LRP1B: variants seen among roughly 807,000 people sequenced by gnomAD.
The protein encoded by LRP1B is LDL receptor related protein 1B, also known as low-density lipoprotein receptor-related protein 1B.
LRP1B carries 217 observed loss-of-function variants against 556.6 expected under a neutral mutation model. That is an observed-to-expected ratio of 0.39 (90% confidence interval 0.35 to 0.44). The LOEUF (loss-of-function observed/expected upper bound fraction) is 0.44. Among genes scored for constraint, LRP1B ranks in the 20% least tolerant of loss-of-function variants. LRP1B has a pLI of 1.00. For synonymous variants in LRP1B, 2,047 were observed against 1,865.8 expected (o/e 1.10, Z -2.50); for missense variants, 5,053 against 5,620.8 (o/e 0.90, Z 3.23).
chr2:140,738,808 G>A (rs764289123), intron 35 of LRP1B, among the ~76,000 whole-genome samples: 1 of 152,154 alleles, frequency 6.6e-6, no homozygotes, highest in Admixed American at 6.6e-5. Flanking sequence ...ATTTAGAAAT[G>A]TGGATGAGCC....
chr2:141,485,133 G>C (rs1039853204), intron 2 of LRP1B, among the ~76,000 whole-genome samples: 1 of 152,124 alleles, frequency 6.6e-6, no homozygotes, highest in African/African-American at 2.4e-5. Flanking sequence ...TTAGGGACAA[G>C]AGAGAAATTA....
chr2:140,850,361 T>A, intron 28 of LRP1B, 32 bp from the exon 29 acceptor site: 2 of 1,371,778 alleles, frequency 1.5e-6, no homozygotes, highest in South Asian at 2.5e-5. Flanking sequence ...TTTTCTCTTA[T>A]GAAGTTGGCA....
intron 7 of LRP1B, among the ~76,000 whole-genome samples, chr2:141,125,853 A>AAAC (rs989467774): frequency 1.4e-5 from 2 of 147,648 alleles, no homozygotes; most frequent in East Asian, 3.9e-4. Flanking sequence ...GCAAAAAAAA[A>AAAC]AAAAAAAACA....
intron 2 of LRP1B, among the ~76,000 whole-genome samples, chr2:141,724,260 G>A (rs1692947451): frequency 6.6e-6 from 1 of 151,828 alleles, no homozygotes. Context: ...GTAAGTTGGT[G>A]ATAAAATTAC....
chr2:140,879,402 C>T (rs993887856), intron 25 of LRP1B, among the ~76,000 whole-genome samples: 1 of 152,090 alleles, frequency 6.6e-6, no homozygotes, highest in African/African-American at 2.4e-5. Flanking sequence ...TTCATTAAAC[C>T]TAGCAGTGTT....
intron 3 of LRP1B, among the ~76,000 whole-genome samples, chr2:141,447,128 C>A (rs138261854): frequency 0.015 from 2,295 of 151,926 alleles, 36 homozygotes; most frequent in South Asian, 0.034. Context: ...TCTTTTTTCT[C>A]TAATCTTGTC....
intron 3 of LRP1B, among the ~76,000 whole-genome samples, chr2:141,286,938 G>A (rs565134730): frequency 1.8e-3 from 271 of 152,280 alleles, no homozygotes; most frequent in Non-Finnish European, 3.3e-3. Flanking sequence ...AAATGAGACT[G>A]TGACTAAGAA....
intron 32 of LRP1B, among the ~76,000 whole-genome samples, chr2:140,797,862 G>GT (rs1690372423): frequency 1.3e-5 from 2 of 152,120 alleles, no homozygotes; most frequent in African/African-American, 4.8e-5. Context: ...AAAATAGTCA[G>GT]TTTGCATTTC....
chr2:141,018,211 T>C (rs1697962850), intron 12 of LRP1B, among the ~76,000 whole-genome samples: 1 of 152,102 alleles, frequency 6.6e-6, no homozygotes. Flanking sequence ...TACCCTTTAT[T>C]TCAAGGCCTG....
chr2:141,797,668 G>A (rs1695868227), intron 2 of LRP1B, among the ~76,000 whole-genome samples: 1 of 152,066 alleles, frequency 6.6e-6, no homozygotes, highest in African/African-American at 2.4e-5. Flanking sequence ...GAACTACTTA[G>A]CTATAAGGTT....
chr2:141,427,347 A>C (rs1042243655), intron 3 of LRP1B, among the ~76,000 whole-genome samples: 4 of 152,186 alleles, frequency 2.6e-5, no homozygotes, highest in African/African-American at 9.6e-5. Flanking sequence ...CATTTTAGCA[A>C]ATAAATTTTA....
chr2:141,904,696 G>C (rs1699707592), intron 1 of LRP1B, among the ~76,000 whole-genome samples: 1 of 151,922 alleles, frequency 6.6e-6, no homozygotes, highest in Admixed American at 6.6e-5. Flanking sequence ...AGGATAGCTA[G>C]GAGGAAACAA....
chr2:142,056,222 A>G (rs1285929609), intron 1 of LRP1B, among the ~76,000 whole-genome samples: 1 of 152,130 alleles, frequency 6.6e-6, no homozygotes, highest in Non-Finnish European at 1.5e-5. Flanking sequence ...CCAACAAGAA[A>G]ACATCATTTG....
At chr2:141,036,512 C>A (rs1167611770) in intron 11 of LRP1B, among the ~76,000 whole-genome samples, 1 of 152,052 alleles carries the variant, frequency 6.6e-6, no homozygotes, top group African/African-American at 2.4e-5. Flanking sequence ...AGACAACGGT[C>A]CTGTGAAAGA....
chr2:142,024,551 G>T (rs1180801239), intron 1 of LRP1B, among the ~76,000 whole-genome samples: 2 of 150,954 alleles, frequency 1.3e-5, no homozygotes, highest in African/African-American at 4.9e-5. Context: ...CTTGATTCTT[G>T]CTAGAACTTC....
intron 43 of LRP1B, among the ~76,000 whole-genome samples, chr2:140,546,483 AG>A (rs1680344111): frequency 6.6e-6 from 1 of 152,160 alleles, no homozygotes; most frequent in Admixed American, 6.6e-5. Flanking sequence ...TAATGGCAGA[AG>A]GGGTAGCAAA....
At chr2:140,729,720 T>C (rs1460940108) in intron 35 of LRP1B, among the ~76,000 whole-genome samples, 1 of 152,166 alleles carries the variant, frequency 6.6e-6, no homozygotes, top group East Asian at 1.9e-4. Context: ...TTCACGTTAC[T>C]TATCATTTTG....
intron 31 of LRP1B, among the ~76,000 whole-genome samples, chr2:140,814,036 G>A (rs1016376520): frequency 3.3e-5 from 5 of 152,168 alleles, no homozygotes; most frequent in African/African-American, 9.7e-5. Flanking sequence ...GTGCAGTGGT[G>A]CAATTATAGC....
At position 141,098,925 on chromosome 2, in the gene LRP1B, C is replaced by G. The variant is rs115489683; in HGVS notation, c.1014-36652G>C. Among the ~76,000 whole-genome samples, 991 of 152,164 alleles carry G rather than the reference C, an allele frequency of 6.5e-3. 13 individuals carry two copies. The highest frequency in any genetic ancestry group is 0.023 in the African/African-American group (936 of 41,522). On this transcript the variant is annotated intron_variant, in intron 7 of 90. Transcript: ENST00000389484. ...GCCCGCCTCAGCCTCTCAAAGTGCT[C>G]GGATTACAATTAATATTTTTAATAG...
Sources: gnomAD v4.1 joint callset for allele counts (sites outside exome capture counted in the v4.1 genomes callset) on GRCh38, gnomAD v4.1.1 for gene constraint, MANE v1.5 for transcripts, NCBI Gene and HGNC (gene_info 2026-07-23, HGNC 2026-07-21) for gene names.